SLC16A5: variants seen among roughly 807,000 people sequenced by gnomAD.
SLC16A5 encodes monocarboxylate transporter 6.
SLC16A5 carries 29 observed loss-of-function variants against 33.2 expected under a neutral mutation model. That is an observed-to-expected ratio of 0.87 (90% CI 0.65 to 1.19). SLC16A5 has a LOEUF of 1.19. Among genes scored for constraint, SLC16A5 ranks in the 50% most tolerant of loss-of-function variants. The pLI, the probability that SLC16A5 is intolerant of heterozygous loss-of-function variation, is 0.00. For missense variants in SLC16A5, 606 were observed against 678.2 expected (o/e 0.89, Z 1.18); for synonymous variants, 248 against 284.1 (o/e 0.87, Z 1.28).
intron 2 of SLC16A5, among the ~76,000 whole-genome samples, chr17:75,092,862 T>A (rs1173938095): frequency 1.3e-5 from 2 of 149,036 alleles, no homozygotes; most frequent in Non-Finnish European, 3.0e-5. Context: ...TGTGTGTGTT[T>A]ATTATTCAGT....
Position 75,105,986 on chromosome 17 carries a change from G to T in SLC16A5, c.1471G>T (p.Val491Leu), listed in dbSNP as rs115383053. 2.0e-4 allele frequency: 318 copies of T among 1,607,870 alleles called. 3 individuals are homozygous for T. In the African/African-American group the frequency reaches 3.7e-3, roughly 19 times the overall value. Reference sequence around the variant, plus strand: ...TGAGTGGCTCTTATGGCCAAAGGCGGTACTGCAGGCCAAGCAAACGGCTCT... The same window carrying T: ...TGAGTGGCTCTTATGGCCAAAGGCGTTACTGCAGGCCAAGCAAACGGCTCT... ...SHEWLLWPKA[V>L]LQAKQTALGW... The change falls in exon 7 of 7, where the codon GTA becomes TTA. Residue 491 changes from valine (V) to leucine (L), a missense_variant. Physicochemically the swap from Val to Leu is conservative, Grantham distance 32 (BLOSUM62 1). Transcript: ENST00000329783.
chr17:75,100,979 T>A (rs1200851097), intron 5 of SLC16A5, among the ~76,000 whole-genome samples, 163 bp downstream of exon 5: 2 of 152,142 alleles, frequency 1.3e-5, no homozygotes, highest in Non-Finnish European at 2.9e-5. Flanking sequence ...CCCGGCGCGG[T>A]GGCTCATGCC....
intron 6 of SLC16A5, chr17:75,105,020 C>T: frequency 1.0e-6 from 1 of 985,472 alleles, no homozygotes; most frequent in Non-Finnish European, 1.2e-6. Flanking sequence ...CTAGGTTCCT[C>T]CTGCCCTGCT....
In SLC16A5 at chr17:75,100,141, C is replaced by T. The variant is rs769242482; in HGVS notation, c.478C>T (p.Arg160Cys). 12 of 1,614,206 alleles carry T rather than the reference C, an allele frequency of 7.4e-6. No homozygotes were observed. The highest frequency in any genetic ancestry group is 4.0e-5 in the African/African-American group (3 of 75,066). ...LGITLWPLLS[R>C]YLLENLGWRG... ...CATCACCCTCTGGCCGCTGCTCTCC[C>T]GCTACCTTCTGGAGAACCTGGGCTG... The change falls in exon 5 of 7, where the codon CGC becomes TGC. Residue 160 changes from arginine to cysteine, a missense_variant. Physicochemically the swap from Arg to Cys is radical, Grantham distance 180 (BLOSUM62 -3). Coordinates refer to ENST00000329783, the MANE Select transcript of SLC16A5 (RefSeq NM_004695.4).
intron 6 of SLC16A5, chr17:75,105,522 G>T (rs9912861): frequency 6.1e-6 from 6 of 985,226 alleles, no homozygotes; most frequent in Non-Finnish European, 6.0e-6. Context: ...CCTGCTCCCC[G>T]TACACCTGTG....
At chr17:75,108,258 G>A (rs2073878060), downstream of SLC16A5, among the ~76,000 whole-genome samples, 1 of 152,140 alleles carries the variant, frequency 6.6e-6, no homozygotes, top group Admixed American at 6.5e-5. Context: ...CCCTGTTTCT[G>A]GGCTCCTATT....
intron 5 of SLC16A5, among the ~76,000 whole-genome samples, chr17:75,101,142 G>A (rs913030610): frequency 6.6e-6 from 1 of 151,760 alleles, no homozygotes; most frequent in African/African-American, 2.4e-5. Context: ...CCAGCTACTC[G>A]GGAGGCTGAG....
intron 6 of SLC16A5, chr17:75,104,491 C>G: frequency 9.1e-7 from 1 of 1,098,430 alleles, no homozygotes; most frequent in Non-Finnish European, 1.1e-6. Flanking sequence ...ACCATCTCGG[C>G]TCACTGCAAC....
At chr17:75,097,952 A>C (rs1166458375) in intron 3 of SLC16A5, 86 bp from the exon 4 acceptor site, 1 of 1,468,102 alleles carries the variant, frequency 6.8e-7, no homozygotes, top group East Asian at 2.5e-5. Context: ...GGCTAGTTCC[A>C]GCTGGAACTG....
intron 6 of SLC16A5, chr17:75,105,213 A>G (rs2073848535): frequency 2.0e-6 from 2 of 985,234 alleles, no homozygotes; most frequent in South Asian, 9.4e-5. Flanking sequence ...GGATCCTAGA[A>G]TCGGTGAAGT....
At chr17:75,093,283 A>G in intron 2 of SLC16A5, 2 of 799,878 alleles carry the variant, frequency 2.5e-6, no homozygotes, top group Admixed American at 4.9e-5. Flanking sequence ...GTGATGTAAC[A>G]ATTAGAGACA....
At chr17:75,099,767 G>A (rs377181637) in intron 4 of SLC16A5, among the ~76,000 whole-genome samples, 1 of 152,196 alleles carries the variant, frequency 6.6e-6, no homozygotes, top group African/African-American at 2.4e-5. Flanking sequence ...GATAACTCTC[G>A]TGCTACACCT....
chr17:75,106,972 C>T (rs1485425804), downstream of SLC16A5, among the ~76,000 whole-genome samples: 1 of 151,654 alleles, frequency 6.6e-6, no homozygotes, highest in East Asian at 1.9e-4. Flanking sequence ...CAAGACCAGC[C>T]TGGGCAACAT....
In SLC16A5 at chr17:75,088,009, A is replaced by T. The variant is rs2073590540; in HGVS notation, c.-238A>T. On this transcript the variant is annotated 5_prime_UTR_variant, in exon 1 of 7. Transcript: ENST00000329783. ...GGCCGCAGGACGCCGCGCTCGGGGG[A>T]GCTGAGCCACCTCTCCGCCAGGCCC... 6.6e-6 allele frequency: 1 copy of T among 151,932 alleles called. No homozygotes were observed. Among genetic ancestry groups the T allele is most frequent in the South Asian group, 2.1e-4 (1 of 4,820 alleles). The allele number at this position is 151,932 out of a possible 1,614,324, so 9.4% of individuals were successfully genotyped here.
chr17:75,095,394 A>G (rs2073703997), intron 3 of SLC16A5, among the ~76,000 whole-genome samples: 3 of 152,054 alleles, frequency 2.0e-5, no homozygotes, highest in Admixed American at 1.3e-4. Context: ...CAGCATCTCC[A>G]TCAGCATGGG....
chr17:75,103,487 A>G (rs9899754), intron 5 of SLC16A5, among the ~76,000 whole-genome samples: 48,038 of 148,344 alleles, frequency 0.32, 8,088 homozygotes, highest in Middle Eastern at 0.44. Context: ...CTGCCCCCAC[A>G]CCTGTCTAAT....
At chr17:75,103,945 G>A in intron 5 of SLC16A5, 25 bp from the exon 6 acceptor site, 1 of 1,609,344 alleles carries the variant, frequency 6.2e-7, no homozygotes, top group Non-Finnish European at 8.5e-7. Flanking sequence ...GGTAGCACTG[G>A]CCTAACTTGA....
intron 6 of SLC16A5, chr17:75,104,839 ACCTGGGTCTGAGC>A: frequency 1.0e-6 from 1 of 985,240 alleles, no homozygotes; most frequent in East Asian, 1.1e-4. Context: ...GGGCCCAGGA[ACCTGGGTCTGAGC>A]CCTGCTCAGG....
intron 6 of SLC16A5, chr17:75,104,852 C>T: frequency 4.1e-6 from 4 of 985,440 alleles, no homozygotes; most frequent in Non-Finnish European, 4.8e-6. Context: ...TGGGTCTGAG[C>T]CCTGCTCAGG....
Sources: gnomAD v4.1 joint callset for allele counts (sites outside exome capture counted in the v4.1 genomes callset) on GRCh38, gnomAD v4.1.1 for gene constraint, MANE v1.5 for transcripts, NCBI Gene and HGNC (gene_info 2026-07-23, HGNC 2026-07-21) for gene names.